GRB10: variants seen among roughly 807,000 people sequenced by gnomAD.
The protein encoded by GRB10 is growth factor receptor bound protein 10, also known as growth factor receptor-bound protein 10.
GRB10 carries 20 observed loss-of-function variants against 80.9 expected under a neutral mutation model. The observed-to-expected ratio is 0.25, with a 90% CI of 0.17 to 0.36. The LOEUF is 0.36. Ranked by LOEUF, GRB10 falls within the 10% of genes least tolerant of loss-of-function variation. The probability of loss-of-function intolerance (pLI) is 1.00; values close to 1 mark genes in which losing one functional copy is unlikely to be tolerated. For missense variants in GRB10, 548 were observed against 747.7 expected, an observed-to-expected ratio of 0.73 and a Z score of 3.12; for synonymous variants, 291 against 291.5, an observed-to-expected ratio of 1.00 and a Z score of 0.02.
chr7:50,602,706 GT>G (rs1407169202), intron 17 of GRB10, among the ~76,000 whole-genome samples: 5 of 152,302 alleles, frequency 3.3e-5, no homozygotes, highest in East Asian at 3.9e-4. Flanking sequence ...ATTTAAAGGA[GT>G]TTTTTTGGTG....
chr7:50,738,005 G>T (rs1456588741), intron 3 of GRB10, among the ~76,000 whole-genome samples: 1 of 152,118 alleles, frequency 6.6e-6, no homozygotes, highest in Non-Finnish European at 1.5e-5. Flanking sequence ...TGGCCAAAAC[G>T]CACATGAAAA....
intron 2 of GRB10, among the ~76,000 whole-genome samples, chr7:50,770,207 C>T (rs868700209): frequency 1.7e-4 from 26 of 152,336 alleles, no homozygotes; most frequent in African/African-American, 5.3e-4. Flanking sequence ...TCTAGCATTA[C>T]CACTTCCAGG....
intron 17 of GRB10, among the ~76,000 whole-genome samples, chr7:50,598,243 A>G (rs1419099113): frequency 6.6e-6 from 1 of 152,228 alleles, no homozygotes; most frequent in Non-Finnish European, 1.5e-5. Flanking sequence ...CACACGCAAT[A>G]CAAGGTAGCT....
intron 2 of GRB10, among the ~76,000 whole-genome samples, chr7:50,761,245 A>G (rs1299905372): frequency 1.3e-5 from 2 of 152,248 alleles, no homozygotes; most frequent in African/African-American, 4.8e-5. Context: ...TTTTAATAAA[A>G]TATCATTTCT....
At chr7:50,679,610 G>A (rs1022347147) in intron 5 of GRB10, among the ~76,000 whole-genome samples, 1 of 152,174 alleles carries the variant, frequency 6.6e-6, no homozygotes, top group African/African-American at 2.4e-5. Context: ...ATCAGTGTGC[G>A]ATGCCTTCAG....
chr7:50,637,077 A>G (rs1261971029), intron 7 of GRB10, among the ~76,000 whole-genome samples: 4 of 152,168 alleles, frequency 2.6e-5, no homozygotes, highest in Non-Finnish European at 5.9e-5. Flanking sequence ...CCTGGCCTCA[A>G]GTGATCCTCC....
At chr7:50,737,277 C>T (rs772516848) in intron 3 of GRB10, among the ~76,000 whole-genome samples, 14 of 152,272 alleles carry the variant, frequency 9.2e-5, no homozygotes, top group East Asian at 3.9e-4. Flanking sequence ...TGGTTTCTAA[C>T]GGCGTAACAC....
At chr7:50,714,375 A>T (rs2066483765) in intron 4 of GRB10, among the ~76,000 whole-genome samples, 2 of 152,238 alleles carry the variant, frequency 1.3e-5, no homozygotes, top group Admixed American at 6.5e-5. Context: ...CTTTAAATAT[A>T]ACTTGAGGCC....
At chr7:50,593,203 GA>G (rs994002109) in intron 18 of GRB10, 105 bp from the exon 19 acceptor site, 8 of 1,337,192 alleles carry the variant, frequency 6.0e-6, no homozygotes, top group Non-Finnish European at 8.6e-6. Context: ...TTTGATTCCA[GA>G]GGGACACACA....
chr7:50,655,925 A>G (rs969609520), intron 7 of GRB10, among the ~76,000 whole-genome samples: 9 of 152,186 alleles, frequency 5.9e-5, no homozygotes, highest in Admixed American at 5.9e-4. Flanking sequence ...CACATGATGG[A>G]ATGTCCTGGC....
intron 2 of GRB10, among the ~76,000 whole-genome samples, chr7:50,771,556 G>A (rs905327959): frequency 3.9e-5 from 6 of 152,200 alleles, no homozygotes; most frequent in Non-Finnish European, 7.3e-5. Flanking sequence ...ACACTCACAG[G>A]TGGCCAGAGC....
rs77026971 is a variant in GRB10, at chr7:50,711,423, C to T, written c.52-7515G>A. On this transcript the variant is annotated intron_variant, in intron 4 of 18. Transcript: ENST00000401949. ...GCCCAGCCAGGGACATCAGCTGAGA[C>T]GGGTGGGGCACATTGCTGGAGTCCA... Among the ~76,000 whole-genome samples, 236 of 152,270 alleles carry T rather than the reference C, an allele frequency of 1.5e-3. 1 individual carries two copies. The highest frequency in any genetic ancestry group is 5.5e-3 in the African/African-American group (228 of 41,546).
At chr7:50,630,450 A>T (rs1296740105) in intron 7 of GRB10, among the ~76,000 whole-genome samples, 2 of 152,150 alleles carry the variant, frequency 1.3e-5, no homozygotes, top group East Asian at 1.9e-4. Context: ...CTGGCCCCTG[A>T]CACGTGCCCT....
intron 1 of GRB10, among the ~76,000 whole-genome samples, chr7:50,788,462 G>A (rs1191696564): frequency 6.6e-6 from 1 of 152,110 alleles, no homozygotes; most frequent in Non-Finnish European, 1.5e-5. Flanking sequence ...TGAGACCCCT[G>A]ACAGCTCACA....
intron 4 of GRB10, among the ~76,000 whole-genome samples, chr7:50,705,935 T>A (rs1229741120): frequency 1.3e-5 from 2 of 152,120 alleles, no homozygotes; most frequent in African/African-American, 4.8e-5. Context: ...TCTGAGAGGG[T>A]GGTACCTCCC....
At chr7:50,669,984 A>G in intron 6 of GRB10, 121 bp from the exon 7 acceptor site, 1 of 1,232,804 alleles carries the variant, frequency 8.1e-7, no homozygotes, top group African/African-American at 1.5e-5. Context: ...TGGCATGCCC[A>G]CGTTCACAGT....
chr7:50,752,970 AC>A (rs1324306488), intron 3 of GRB10, among the ~76,000 whole-genome samples: 6 of 152,200 alleles, frequency 3.9e-5, no homozygotes, highest in Admixed American at 3.9e-4. Context: ...AGAAACTGAG[AC>A]CATTGGGACC....
At chr7:50,711,014 A>G (rs1217881751) in intron 4 of GRB10, 1 of 889,422 alleles carries the variant, frequency 1.1e-6, no homozygotes, top group South Asian at 1.3e-5. Context: ...CAGAAGGCAC[A>G]CTTAATAACT....
intron 4 of GRB10, among the ~76,000 whole-genome samples, chr7:50,715,419 T>C (rs541099890): frequency 6.6e-6 from 1 of 152,224 alleles, no homozygotes; most frequent in South Asian, 2.1e-4. Flanking sequence ...AAGAGTGACT[T>C]TTCCCAGTAA....
Sources: gnomAD v4.1 joint callset for allele counts (sites outside exome capture counted in the v4.1 genomes callset) on GRCh38, gnomAD v4.1.1 for gene constraint, MANE v1.5 for transcripts, NCBI Gene and HGNC (gene_info 2026-07-23, HGNC 2026-07-21) for gene names.